WDR11: variants seen among roughly 807,000 people sequenced by gnomAD.
WDR11 encodes the protein WD repeat domain 11.
A neutral mutation model predicts 151.2 loss-of-function variants in WDR11; 83 were observed. The observed-to-expected ratio is 0.55, with a 90% CI of 0.46 to 0.66. The LOEUF (loss-of-function observed/expected upper bound fraction) is 0.66, where lower values mean the gene tolerates loss of function less well. Ranked by LOEUF, WDR11 falls within the 30% of genes least tolerant of loss-of-function variation. The pLI, the probability that WDR11 is intolerant of heterozygous loss-of-function variation, is 0.00. For synonymous variants in WDR11, 484 were observed against 533.1 expected (o/e 0.91, Z 1.27); for missense variants, 1,301 against 1,480.9 (o/e 0.88, Z 1.99).
In WDR11 at chr10:120,865,698, T is replaced by C; in HGVS notation, c.948T>C (p.Val316=). ...LHENGCITLR[V]RRSYNNIFTT... Reference sequence around the variant, plus strand: ...AAAATGGTTGTATAACTTTACGTGTTCGAAGATCTTATAATAACATTTTTA... The same window carrying C: ...AAAATGGTTGTATAACTTTACGTGTCCGAAGATCTTATAATAACATTTTTA... Residue 316 remains valine, a synonymous_variant, in exon 7 of 29, where the codon GTT becomes GTC. Coordinates refer to ENST00000263461, the MANE Select transcript of WDR11 (RefSeq NM_018117.12). The C allele has an allele frequency of 6.2e-7, 1 of 1,611,090 alleles. No homozygotes were observed. Among genetic ancestry groups the C allele is most frequent in the Non-Finnish European group, 8.5e-7 (1 of 1,179,182 alleles).
At position 120,860,210 on chromosome 10, in the gene WDR11, C is replaced by T. The variant is rs1435886139; in HGVS notation, c.454C>T (p.Leu152=). 7 of 1,614,058 alleles carry T rather than the reference C, an allele frequency of 4.3e-6. No homozygotes were observed. The African/African-American group carries it at 9.3e-5, about 22-fold the overall frequency. ...VLWNADTGTK[L]WKKSYADNIL... ...CTGGAATGCCGACACTGGCACCAAA[C>T]TATGGAAGAAGAGCTATGCAGATAA... Residue 152 remains leucine, a synonymous_variant, in exon 4 of 29, where the codon CTA becomes TTA. Coordinates refer to ENST00000263461, the MANE Select transcript of WDR11 (RefSeq NM_018117.12).
chr10:120,881,951 C>T (rs1408609441), intron 13 of WDR11, among the ~76,000 whole-genome samples: 1 of 152,076 alleles, frequency 6.6e-6, no homozygotes, highest in African/African-American at 2.4e-5. Flanking sequence ...AGAAAGCATT[C>T]AGTCTTTCAA....
At position 120,897,253 on chromosome 10, in the gene WDR11, G is replaced by A. The variant is rs182323416; in HGVS notation, c.2516-2776G>A. 1.4e-4 allele frequency among the ~76,000 whole-genome samples: 22 copies of A among 152,280 alleles called. No homozygotes were observed. The South Asian group carries it at 4.6e-3, about 32-fold the overall frequency. Reference sequence around the variant, plus strand: ...AGCTCAGGTGGACAGAAGAATGCCAGCTGACAAATGCGGAAAGAATAAGAT... The same window carrying A: ...AGCTCAGGTGGACAGAAGAATGCCAACTGACAAATGCGGAAAGAATAAGAT... On this transcript the variant is annotated intron_variant, in intron 19 of 28. Transcript: ENST00000263461.
intron 19 of WDR11, among the ~76,000 whole-genome samples, chr10:120,895,715 C>T (rs1052614625): frequency 2.2e-4 from 34 of 151,950 alleles, no homozygotes; most frequent in Non-Finnish European, 7.4e-5. Flanking sequence ...AAATATTTGA[C>T]CTCCTACTGG....
Position 120,889,956 on chromosome 10 carries a change from C to A in WDR11, c.2290C>A (p.Gln764Lys), listed in dbSNP as rs756592462. The change falls in exon 18 of 29, where the codon CAA (glutamine) becomes AAA (lysine). Residue 764 changes from glutamine (Q) to lysine (K), a missense_variant. Gln to Lys is a moderately conservative substitution (Grantham distance 53). This residue lies in a region of WDR11 where 589 missense variants were observed against 670.6 expected (regional missense o/e 0.88). Coordinates refer to ENST00000263461, the MANE Select transcript of WDR11 (RefSeq NM_018117.12). ...KIRFAPGKGN[Q>K]KLIAMYNDGA... Reference sequence around the variant, plus strand: ...TCGTTTTGCTCCTGGTAAAGGAAATCAAAAATTAATAGCAATGTACAATGA... The same window carrying A: ...TCGTTTTGCTCCTGGTAAAGGAAATAAAAAATTAATAGCAATGTACAATGA... The A allele has an allele frequency of 5.0e-6, 8 of 1,613,856 alleles. No homozygotes were observed. Among genetic ancestry groups the A allele is most frequent in the South Asian group, 1.1e-5 (1 of 91,068 alleles).
At chr10:120,852,724 T>C (rs1436865107) in intron 2 of WDR11, 89 bp downstream of exon 2, 2 of 1,128,500 alleles carry the variant, frequency 1.8e-6, no homozygotes, top group Non-Finnish European at 2.6e-6. Context: ...GTCTTACGTG[T>C]AAGTGTTGAA....
In WDR11 at chr10:120,885,483, G is replaced by C. The variant is rs1048503158; in HGVS notation, c.1849-331G>C. On this transcript the variant is annotated intron_variant, in intron 14 of 28. Transcript: ENST00000263461. ...TGGATGATAAAGGACCCTGGTTCGAGAACTGTGATTGTCTTATCGTGTGCA... is the reference window on the plus strand; with the variant it reads ...TGGATGATAAAGGACCCTGGTTCGACAACTGTGATTGTCTTATCGTGTGCA... Among the ~76,000 whole-genome samples the C allele has an allele frequency of 2.8e-4, 43 of 152,090 alleles. 1 individual carries two copies. Among genetic ancestry groups the C allele is most frequent in the Admixed American group, 2.8e-3 (43 of 15,244 alleles).
At chr10:120,901,853 T>C (rs1219655302) in intron 21 of WDR11, among the ~76,000 whole-genome samples, 1 of 152,254 alleles carries the variant, frequency 6.6e-6, no homozygotes, top group Non-Finnish European at 1.5e-5. Flanking sequence ...CAAGCCATTC[T>C]TCCTTAGATA....
Position 120,862,891 on chromosome 10 carries a change from T to G in WDR11, c.683T>G (p.Val228Gly). ...ATGAKKALNK[V>G]KILITQEKPS... ...GGTGCCAAGAAAGCTCTAAATAAAG[T>G]AAAAATTTTAATCACTCAAGAGAAA... is the stretch of plus-strand genomic sequence containing the variant. The change falls in exon 5 of 29, where the codon GTA becomes GGA. Residue 228 changes from valine (V) to glycine (G), a missense_variant. Physicochemically the swap from Val to Gly is moderately radical, Grantham distance 109. Around this residue, in one of 3 missense-constraint regions of WDR11, gnomAD observed 692 missense variants for 762.5 expected, o/e 0.91. Transcript: ENST00000263461. The G allele has an allele frequency of 6.2e-7, 1 of 1,613,626 alleles. No individual in the cohort carries two copies. The highest frequency in any genetic ancestry group is 8.5e-7 in the Non-Finnish European group (1 of 1,179,578).
chr10:120,886,704 A>G lies in WDR11; in HGVS notation c.1989A>G (p.Ala663=), dbSNP rs778246389. The change falls in exon 16 of 29, where the codon GCA becomes GCG. Residue 663 remains alanine, a synonymous_variant. Transcript: ENST00000263461. The part of the protein sequence containing the change: ...ESSVISLLQE[A]ESKSELSQNI... ...TATCCCAAAGCTTGCTGCAGGAGGC[A>G]GAAAGTAAATCTGAACTTAGTCAGA... is the stretch of plus-strand genomic sequence containing the variant. 8.7e-6 allele frequency: 14 copies of G among 1,613,820 alleles called. No homozygotes were observed. The highest frequency in any genetic ancestry group is 1.2e-5 in the Non-Finnish European group (14 of 1,179,922).
chr10:120,861,907 C>G (rs1846153347), intron 4 of WDR11, among the ~76,000 whole-genome samples: 1 of 152,008 alleles, frequency 6.6e-6, no homozygotes, highest in Non-Finnish European at 1.5e-5. Flanking sequence ...CTACTGTTTT[C>G]TAAATATTAA....
rs889034352 is a variant in WDR11, at chr10:120,880,670, C to T, written c.1664-156C>T. The T allele has an allele frequency of 1.9e-5, 14 of 720,394 alleles. No homozygotes were observed. The East Asian group carries it at 2.3e-4, about 12-fold the overall frequency. 44.6% of individuals were successfully genotyped at this position (720,394 alleles called of 1,614,324 possible). A position where few individuals can be genotyped will look rare whatever the true frequency, so the allele number is the denominator to read the frequency against. On this transcript the variant is annotated intron_variant, in intron 12 of 28. Transcript: ENST00000263461. ...TGAGACCATCTCAAAAAAAAAAACC[C>T]GAAAAAACAGAAACAGATTAGAAGC...
At chr10:120,858,605 C>T (rs368090811) in intron 2 of WDR11, 38 bp from the exon 3 acceptor site, 114 of 1,612,324 alleles carry the variant, frequency 7.1e-5, no homozygotes, top group South Asian at 4.5e-4. Flanking sequence ...TTTCATCCAG[C>T]GCAAGTATTT....
At chr10:120,881,119 A>G (rs1846989749) in intron 13 of WDR11, among the ~76,000 whole-genome samples, 1 of 152,236 alleles carries the variant, frequency 6.6e-6, no homozygotes, top group Admixed American at 6.5e-5. Flanking sequence ...TAACTTTTGC[A>G]TGAATCGTTA....
At chr10:120,866,315 C>T (rs954315046) in intron 7 of WDR11, among the ~76,000 whole-genome samples, 16 of 151,712 alleles carry the variant, frequency 1.1e-4, no homozygotes, top group Middle Eastern at 3.4e-3. Context: ...TTCAAAGTAT[C>T]GTCTTTATTT....
Position 120,908,683 on chromosome 10 carries a change from G to A in WDR11, c.3645G>A (p.Glu1215=), listed in dbSNP as rs1848171338. The change falls in exon 29 of 29, where the codon GAG becomes GAA. Residue 1215 remains glutamate (E), a synonymous_variant. Transcript: ENST00000263461. ...GCAAAGACTTATTGAATGAGCTTGA[G>A]TCCCCCAAGGAAGAACCCATTGAAG... is the stretch of plus-strand genomic sequence containing the variant. ...AAGKDLLNEL[E]SPKEEPIEE 1 of 1,614,080 alleles carries A rather than the reference G, an allele frequency of 6.2e-7. No individual in the cohort carries two copies. Among genetic ancestry groups the A allele is most frequent in the Admixed American group, 1.7e-5 (1 of 60,010 alleles).
At chr10:120,905,245 G>GGA (rs1407435290) in intron 25 of WDR11, 74 bp from the exon 26 acceptor site, 3 of 1,442,574 alleles carry the variant, frequency 2.1e-6, no homozygotes, top group Non-Finnish European at 2.9e-6. Flanking sequence ...GGTCAAATGG[G>GGA]GATTTAACTT....
chr10:120,903,181 C>G lies in WDR11; in HGVS notation c.2880C>G (p.Ser960Arg). 2 of 1,614,216 alleles carry G rather than the reference C, an allele frequency of 1.2e-6. No homozygotes were observed. The change falls in exon 23 of 29, where the codon AGC becomes AGG. Residue 960 changes from serine to arginine, a missense_variant. Around this residue, in one of 3 missense-constraint regions of WDR11, gnomAD observed 589 missense variants for 670.6 expected, o/e 0.88. Transcript: ENST00000263461. The part of the protein sequence containing the change: ...PKEAAPRDKL[S>R]NPLDICYDVL... Reference sequence around the variant, plus strand: ...AAGCTGCTCCTCGAGACAAACTGAGCAACCCACTGGATATATGCTATGACG... The same window carrying G: ...AAGCTGCTCCTCGAGACAAACTGAGGAACCCACTGGATATATGCTATGACG...
intron 13 of WDR11, among the ~76,000 whole-genome samples, chr10:120,882,224 C>T (rs1398637917): frequency 6.6e-6 from 1 of 151,758 alleles, no homozygotes; most frequent in Non-Finnish European, 1.5e-5. Flanking sequence ...TCTAGTTGGT[C>T]GTGATGTATT....
Sources: gnomAD v4.1 joint callset for allele counts (sites outside exome capture counted in the v4.1 genomes callset) on GRCh38, gnomAD v4.1.1 for gene constraint, gnomAD v4.1.1 regional missense constraint, MANE v1.5 for transcripts, NCBI Gene and HGNC (gene_info 2026-07-23, HGNC 2026-07-21) for gene names.